DGKA: variants seen among roughly 807,000 people sequenced by gnomAD.
The protein encoded by DGKA is diacylglycerol kinase alpha.
A neutral mutation model predicts 105.0 loss-of-function variants in DGKA; 35 were observed. The ratio of observed to expected loss-of-function variants is 0.33; its 90% confidence interval spans 0.25 to 0.44. The LOEUF (loss-of-function observed/expected upper bound fraction) is 0.44, where lower values mean the gene tolerates loss of function less well. Ranked by LOEUF, DGKA falls within the 20% of genes least tolerant of loss-of-function variation. The pLI is 1.00. For synonymous variants in DGKA, 296 were observed against 332.0 expected (o/e 0.89, Z 1.18); for missense variants, 665 against 915.0 (o/e 0.73, Z 3.53).
intron 2 of DGKA, 119 bp downstream of exon 2, chr12:55,936,686 G>A (rs1884789051): frequency 7.3e-6 from 10 of 1,373,980 alleles, no homozygotes; most frequent in Admixed American, 1.8e-5. Flanking sequence ...GTGCTGCTCA[G>A]ATGTGCCCAT....
intron 17 of DGKA, among the ~76,000 whole-genome samples, chr12:55,946,296 T>C (rs1467669287): frequency 6.6e-6 from 1 of 151,764 alleles, no homozygotes; most frequent in African/African-American, 2.4e-5. Context: ...TCAGCCTCCC[T>C]AGTAGCTGGG....
rs1184571010 is a variant in DGKA, at chr12:55,942,019, T to C, written c.1272T>C (p.Val424=). 3 of 1,614,198 alleles carry C rather than the reference T, an allele frequency of 1.9e-6. No homozygotes were observed. In the Admixed American group the frequency reaches 5.0e-5, roughly 27 times the overall value. The change falls in exon 16 of 24, where the codon GTT becomes GTC. Residue 424 remains valine (V), a synonymous_variant. Transcript: ENST00000331886. The part of the protein sequence containing the change: ...PEIGLRLFKD[V]PDSRILVCGG... The stretch of plus-strand genomic sequence containing the variant: ...TCAGGCTCCGATTATTCAAGGATGT[T>C]CCTGATAGCCGGATTTTGGTGTGTG...
chr12:55,938,263 A>G, intron 5 of DGKA: 1 of 665,298 alleles, frequency 1.5e-6, no homozygotes, highest in South Asian at 1.9e-5. Flanking sequence ...TGTCTTGTGC[A>G]TTCCCATGTA....
chr12:55,950,175 A>G (rs1176142812), intron 17 of DGKA, among the ~76,000 whole-genome samples: 2 of 151,416 alleles, frequency 1.3e-5, no homozygotes, highest in Non-Finnish European at 2.9e-5. Flanking sequence ...GGGTTTCACC[A>G]TGTTGGCCAG....
Position 55,953,136 on chromosome 12 carries a change from C to T in DGKA, c.2039C>T (p.Ala680Val). 1 of 1,614,046 alleles carries T rather than the reference C, an allele frequency of 6.2e-7. No homozygotes were observed. The highest frequency in any genetic ancestry group is 8.5e-7 in the Non-Finnish European group (1 of 1,180,018). Reference protein sequence around the residue: ...TKLKNAGRRLAKCSEITFHTT... With the variant: ...TKLKNAGRRLVKCSEITFHTT... Reference sequence around the variant, plus strand: ...CTCAAGAATGCTGGACGTCGGCTGGCCAAGTGCTCTGAGATCACCTTCCAG... The same window carrying T: ...CTCAAGAATGCTGGACGTCGGCTGGTCAAGTGCTCTGAGATCACCTTCCAG... Residue 680 changes from alanine to valine, a missense_variant, in exon 22 of 24, where the codon GCC (alanine) becomes GTC (valine). Coordinates refer to ENST00000331886, the MANE Select transcript of DGKA (RefSeq NM_001345.5).
chr12:55,932,439 G>C lies in DGKA; in HGVS notation c.-82+1095G>C. ...CTTCGGAACCTCCACAGTGCCGCAC[G>C]GGTGGAGAAGGGTTCTTGTTTGGCC... On this transcript the variant is annotated intron_variant, in intron 1 of 23. Transcript: ENST00000331886. This position sits in a 1 kb window ranked among gnomAD's most constrained non-coding sequence, Gnocchi z 4.3. 3 of 671,450 alleles carry C rather than the reference G, an allele frequency of 4.5e-6. No individual in the cohort carries two copies. The highest frequency in any genetic ancestry group is 8.2e-6 in the Non-Finnish European group (3 of 366,730). The allele number at this position is 671,450 out of a possible 1,614,324, so 41.6% of individuals were successfully genotyped here. A position where few individuals can be genotyped will look rare whatever the true frequency, so the allele number is the denominator to read the frequency against.
At chr12:55,953,252 T>C (rs1888518735) in intron 22 of DGKA, 92 bp downstream of exon 22, 3 of 1,608,834 alleles carry the variant, frequency 1.9e-6, no homozygotes, top group South Asian at 1.1e-5. Context: ...CTTTACTAGA[T>C]CTCCCTCAAT....
At chr12:55,937,598 T>C in intron 4 of DGKA, 55 bp downstream of exon 4, 1 of 1,588,096 alleles carries the variant, frequency 6.3e-7, no homozygotes, top group East Asian at 2.2e-5. Flanking sequence ...ATCAAACTAG[T>C]ATGGATTTGG....
chr12:55,937,796 A>G (rs1228591361), intron 4 of DGKA, among the ~76,000 whole-genome samples, 182 bp from the exon 5 acceptor site: 1 of 152,094 alleles, frequency 6.6e-6, no homozygotes, highest in African/African-American at 2.4e-5. Context: ...CCAGGAGTTC[A>G]AGGTGCAGTG....
At chr12:55,948,254 G>T (rs1315821374) in intron 17 of DGKA, among the ~76,000 whole-genome samples, 1 of 151,620 alleles carries the variant, frequency 6.6e-6, no homozygotes, top group Non-Finnish European at 1.5e-5. Context: ...ACAAAAATCA[G>T]CTGGGTGTGG....
At position 55,939,221 on chromosome 12, in the gene DGKA, T is replaced by C. The variant is rs1164875701; in HGVS notation, c.510T>C (p.Asp170=). The change falls in exon 8 of 24, where the codon GAT becomes GAC. Residue 170 remains aspartate, a synonymous_variant. Coordinates refer to ENST00000331886, the MANE Select transcript of DGKA (RefSeq NM_001345.5). ...AGATGATGAAAGAGATTGACTATGATGGCAGTGGCTCTGTCTCTCAAGCTG... is the reference window on the plus strand; with the variant it reads ...AGATGATGAAAGAGATTGACTATGACGGCAGTGGCTCTGTCTCTCAAGCTG... The part of the protein sequence containing the change: ...LQEMMKEIDY[D]GSGSVSQAEW... 1 of 1,614,188 alleles carries C rather than the reference T, an allele frequency of 6.2e-7. No homozygotes were observed. The highest frequency in any genetic ancestry group is 1.7e-5 in the Admixed American group (1 of 60,016).
At position 55,940,945 on chromosome 12, in the gene DGKA, G is replaced by C. The variant is rs774323220; in HGVS notation, c.1066G>C (p.Asp356His). 2.5e-6 allele frequency: 4 copies of C among 1,614,158 alleles called. No individual in the cohort carries two copies. Among genetic ancestry groups the C allele is most frequent in the Non-Finnish European group, 3.4e-6 (4 of 1,180,024 alleles). The change falls in exon 13 of 24, where the codon GAT (aspartate) becomes CAT (histidine). Residue 356 changes from aspartate (D) to histidine (H), a missense_variant. By Grantham distance (81) the Asp-to-His change is moderately conservative. This residue lies in a region of DGKA where 504 missense variants were observed against 681.2 expected (regional missense o/e 0.74). Coordinates refer to ENST00000331886, the MANE Select transcript of DGKA (RefSeq NM_001345.5). This position sits in a 1 kb window ranked among gnomAD's most constrained non-coding sequence, Gnocchi z 4.3. The stretch of plus-strand genomic sequence containing the variant: ...TAGCAAAACAAGCCAGAAGACCATG[G>C]ATGATTTAAATTTGAGCACCTCTGA... ...KNSKTSQKTM[D>H]DLNLSTSEAL... is the part of the protein sequence containing the mutation.
chr12:55,939,705 A>G, intron 9 of DGKA, 176 bp downstream of exon 9: 1 of 649,184 alleles, frequency 1.5e-6, no homozygotes, highest in Non-Finnish European at 2.7e-6. Context: ...TCAACTGAAA[A>G]TGAGGTAATT....
intron 17 of DGKA, among the ~76,000 whole-genome samples, chr12:55,950,819 C>T (rs1888008399): frequency 6.6e-6 from 1 of 152,134 alleles, no homozygotes; most frequent in Non-Finnish European, 1.5e-5. Context: ...AGCAATCCTC[C>T]TGCCATGTAG....
At chr12:55,938,854 A>G (rs1053681401) in intron 6 of DGKA, 61 bp from the exon 7 acceptor site, 5 of 1,603,822 alleles carry the variant, frequency 3.1e-6, no homozygotes, top group Non-Finnish European at 4.3e-6. Flanking sequence ...ATTTCTGGAA[A>G]AGAGTTTGGA....
upstream of DGKA, chr12:55,927,807 G>T: frequency 1.3e-6 from 2 of 1,527,524 alleles, no homozygotes. Context: ...CCCTGGCCTG[G>T]CTCTGCCCCG....
chr12:55,936,620 C>T (rs1884761677), intron 2 of DGKA, 53 bp downstream of exon 2: 1 of 1,609,540 alleles, frequency 6.2e-7, no homozygotes, highest in African/African-American at 1.3e-5. Flanking sequence ...CAGAGAATCC[C>T]TCCTCCTCCT....
chr12:55,942,441 C>T, intron 17 of DGKA, 178 bp downstream of exon 17: 3 of 612,772 alleles, frequency 4.9e-6, no homozygotes, highest in Non-Finnish European at 8.6e-6. Context: ...GAAGCAGGGA[C>T]CACAATCTGA....
Position 55,941,043 on chromosome 12 carries a change from G to A in DGKA, c.1101+63G>A, listed in dbSNP as rs577726596. The A allele has an allele frequency of 1.4e-5, 21 of 1,553,736 alleles. No individual in the cohort carries two copies. In the African/African-American group the frequency reaches 2.5e-4, roughly 18 times the overall value. ...AGGTTTTTCACTGGAGCCCTCATGG[G>A]TGGGAATGAAGTGGGAGAGCCTGGT... On this transcript the variant is annotated intron_variant, in intron 13 of 23. Transcript: ENST00000331886.
Sources: gnomAD v4.1 joint callset for allele counts (sites outside exome capture counted in the v4.1 genomes callset) on GRCh38, gnomAD v4.1.1 for gene constraint, gnomAD v4.1.1 regional missense constraint, Gnocchi (gnomAD v3.1) non-coding constraint, MANE v1.5 for transcripts, NCBI Gene and HGNC (gene_info 2026-07-23, HGNC 2026-07-21) for gene names.